Variants in SPTBN1 observed in about 807,000 individuals in gnomAD.
SPTBN1 encodes the protein spectrin beta, non-erythrocytic 1, also known as spectrin beta chain, non-erythrocytic 1.
A neutral mutation model predicts 266.4 loss-of-function variants in SPTBN1; 32 were observed. The ratio of observed to expected loss-of-function variants is 0.12; its 90% CI spans 0.09 to 0.16. The LOEUF is 0.16. SPTBN1 is among the 10% of genes least tolerant of loss of function. The pLI is 1.00. For synonymous variants in SPTBN1, 1,336 were observed against 1,162.2 expected (o/e 1.15, Z -3.04); for missense variants, 2,296 against 3,067.1 (o/e 0.75, Z 5.94).
intron 1 of SPTBN1, among the ~76,000 whole-genome samples, chr2:54,485,415 GCT>G (rs1474935402): frequency 6.6e-6 from 1 of 152,236 alleles, no homozygotes. Context: ...CTGGTCTCCA[GCT>G]CCTAACCGTG....
At chr2:54,668,303 C>A (rs372002326) in intron 35 of SPTBN1, 48 bp from the exon 36 acceptor site, 33 of 1,588,532 alleles carry the variant, frequency 2.1e-5, no homozygotes, top group Non-Finnish European at 2.7e-5. Context: ...CAGAACCCCT[C>A]ATGCCTACTC....
Position 54,533,211 on chromosome 2 carries a change from C to A in SPTBN1, c.148+6645C>A, listed in dbSNP as rs1671362328. Reference sequence around the variant, plus strand: ...GATGGAGCGAGATGGCGCAAGATTTCATCACAGTGCTCAGGATGGCATGCA... The same window carrying A: ...GATGGAGCGAGATGGCGCAAGATTTAATCACAGTGCTCAGGATGGCATGCA... On this transcript the variant is annotated intron_variant, in intron 2 of 35. Coordinates refer to ENST00000356805, the MANE Select transcript of SPTBN1 (RefSeq NM_003128.3). This position sits in a 1 kb window ranked among gnomAD's most constrained non-coding sequence, Gnocchi z 4.2. Among the ~76,000 whole-genome samples the A allele has an allele frequency of 2.0e-5, 3 of 152,158 alleles. No individual in the cohort carries two copies. The highest frequency in any genetic ancestry group is 7.2e-5 in the African/African-American group (3 of 41,436).
intron 2 of SPTBN1, among the ~76,000 whole-genome samples, chr2:54,541,871 C>T (rs1671960552): frequency 6.6e-6 from 1 of 152,324 alleles, no homozygotes. Context: ...TATCCACACA[C>T]ATTTAAATTT....
intron 24 of SPTBN1, among the ~76,000 whole-genome samples, chr2:54,648,208 T>G (rs2104088000): frequency 6.6e-6 from 1 of 152,296 alleles, no homozygotes; most frequent in East Asian, 1.9e-4. Context: ...CAGGGCAGGT[T>G]AGGGGAGATG....
At chr2:54,559,658 G>A (rs1263698443) in intron 2 of SPTBN1, among the ~76,000 whole-genome samples, 1 of 152,154 alleles carries the variant, frequency 6.6e-6, no homozygotes, top group Non-Finnish European at 1.5e-5. Flanking sequence ...TGCCCAGCCA[G>A]CAGGCCCTGG....
chr2:54,583,364 CT>C (rs1466856495), intron 2 of SPTBN1, among the ~76,000 whole-genome samples: 2 of 152,030 alleles, frequency 1.3e-5, no homozygotes, highest in Non-Finnish European at 2.9e-5. Context: ...AATTTAAAAC[CT>C]TTTTAAGAAT....
At chr2:54,578,574 G>T (rs1674648772) in intron 2 of SPTBN1, among the ~76,000 whole-genome samples, 2 of 152,134 alleles carry the variant, frequency 1.3e-5, no homozygotes, top group Non-Finnish European at 1.5e-5. Context: ...GTTTCTAAGA[G>T]TTCATCCTTA....
chr2:54,587,833 C>G (rs1019420543), intron 2 of SPTBN1, among the ~76,000 whole-genome samples: 3 of 152,184 alleles, frequency 2.0e-5, no homozygotes, highest in African/African-American at 7.2e-5. Context: ...TAAATACCCA[C>G]TCCGCTGGGG....
chr2:54,526,735 A>T, intron 2 of SPTBN1, 169 bp downstream of exon 2: 6 of 788,006 alleles, frequency 7.6e-6, no homozygotes, highest in Non-Finnish European at 1.1e-5. Flanking sequence ...TCAGTTCCAT[A>T]TTTGGAGAGC....
intron 5 of SPTBN1, 98 bp from the exon 6 acceptor site, chr2:54,617,510 C>A (rs1677683243): frequency 9.3e-7 from 1 of 1,080,252 alleles, no homozygotes; most frequent in South Asian, 1.5e-5. Flanking sequence ...TTAGGTTTTA[C>A]AATGCTTACA....
At chr2:54,633,392 A>G (rs1278130312) in intron 17 of SPTBN1, among the ~76,000 whole-genome samples, 2 of 151,592 alleles carry the variant, frequency 1.3e-5, no homozygotes, top group African/African-American at 4.8e-5. Flanking sequence ...CTTGTTTAAA[A>G]TTATTTTTTT....
chr2:54,505,939 A>G (rs919126260), intron 1 of SPTBN1, among the ~76,000 whole-genome samples: 1 of 151,964 alleles, frequency 6.6e-6, no homozygotes. Flanking sequence ...CCTGGCTAAC[A>G]CGGTGAAACC....
In SPTBN1 at chr2:54,487,833, T is replaced by TC. The variant is rs370930344; in HGVS notation, c.-48+31315_-48+31316insC. Reference sequence around the variant, plus strand: ...TCACTTGATGGTCTCCTCCTGTGTCTTTTTTTTTTTTTTTGAGACGGAGTC... The same window carrying TC: ...TCACTTGATGGTCTCCTCCTGTGTCTCTTTTTTTTTTTTTTGAGACGGAGTC... On this transcript the variant is annotated intron_variant, in intron 1 of 35. Coordinates refer to ENST00000356805, the MANE Select transcript of SPTBN1 (RefSeq NM_003128.3). Among the ~76,000 whole-genome samples, 4 of 17,330 alleles carry TC rather than the reference T, an allele frequency of 2.3e-4. 1 individual carries two copies. The highest frequency in any genetic ancestry group is 3.9e-4 in the Non-Finnish European group (4 of 10,318). The allele number at this position is 17,330 out of a possible 152,430, so 11.4% of individuals were successfully genotyped here. A position where few individuals can be genotyped will look rare whatever the true frequency, so the allele number is the denominator to read the frequency against.
At chr2:54,613,449 T>C (rs1677367870) in intron 4 of SPTBN1, among the ~76,000 whole-genome samples, 1 of 152,236 alleles carries the variant, frequency 6.6e-6, no homozygotes, top group African/African-American at 2.4e-5. Flanking sequence ...TGCCCTACGA[T>C]TGGGCTTCAG....
intron 1 of SPTBN1, among the ~76,000 whole-genome samples, chr2:54,485,197 G>A (rs535855360): frequency 9.3e-6 from 1 of 107,074 alleles, no homozygotes; most frequent in Non-Finnish European, 2.3e-5. Flanking sequence ...TCTCCCTCTC[G>A]GTCTCCCTCT....
intron 2 of SPTBN1, among the ~76,000 whole-genome samples, chr2:54,531,768 G>A (rs917027991): frequency 3.9e-5 from 6 of 151,906 alleles, no homozygotes; most frequent in South Asian, 2.1e-4. Flanking sequence ...TCATATCTGC[G>A]TCACTCATCG....
At chr2:54,512,768 A>G (rs1321292408) in intron 1 of SPTBN1, among the ~76,000 whole-genome samples, 1 of 152,234 alleles carries the variant, frequency 6.6e-6, no homozygotes, top group African/African-American at 2.4e-5. Context: ...CATACTATTT[A>G]GGTAGGAAGA....
At chr2:54,566,796 A>G (rs1361960890) in intron 2 of SPTBN1, among the ~76,000 whole-genome samples, 1 of 151,902 alleles carries the variant, frequency 6.6e-6, no homozygotes, top group East Asian at 1.9e-4. Flanking sequence ...GCGCCACTGC[A>G]CTCCAGCCTG....
chr2:54,508,114 C>T (rs1669669354), intron 1 of SPTBN1, among the ~76,000 whole-genome samples: 1 of 152,134 alleles, frequency 6.6e-6, no homozygotes, highest in Non-Finnish European at 1.5e-5. Context: ...AACCAGGTGC[C>T]ACTGAATACC....
Sources: allele counts gnomAD v4.1 joint callset (sites outside exome capture counted in the v4.1 genomes callset), GRCh38; gene constraint gnomAD v4.1.1; non-coding constraint Gnocchi (gnomAD v3.1); transcripts MANE v1.5; gene names NCBI Gene and HGNC (gene_info 2026-07-23, HGNC 2026-07-21).